PDE4B: variants seen among roughly 807,000 people sequenced by gnomAD.
PDE4B encodes 3',5'-cyclic-AMP phosphodiesterase 4B.
Under a neutral mutation model 82.2 loss-of-function variants are expected in PDE4B, and 20 were observed. The ratio of observed to expected loss-of-function variants is 0.24; its 90% CI spans 0.17 to 0.35. The LOEUF is 0.35. Ranked by LOEUF, PDE4B falls within the 10% of genes least tolerant of loss-of-function variation. The pLI, the probability that PDE4B is intolerant of heterozygous loss-of-function variation, is 1.00. For missense variants in PDE4B, 655 were observed against 907.2 expected (o/e 0.72, Z 3.57); for synonymous variants, 320 against 318.9 (o/e 1.00, Z -0.04).
intron 3 of PDE4B, among the ~76,000 whole-genome samples, chr1:66,180,308 G>A (rs1344341806): frequency 6.6e-6 from 1 of 152,178 alleles, no homozygotes; most frequent in East Asian, 1.9e-4. Context: ...TATGACACAG[G>A]TGGATATTAA....
chr1:66,193,404 A>G (rs1647994581), intron 3 of PDE4B, among the ~76,000 whole-genome samples: 1 of 152,166 alleles, frequency 6.6e-6, no homozygotes, highest in Admixed American at 6.6e-5. Flanking sequence ...ATGATATTGT[A>G]GGTTCACCAT....
At chr1:65,965,945 T>C (rs1188571063) in intron 3 of PDE4B, among the ~76,000 whole-genome samples, 5 of 152,182 alleles carry the variant, frequency 3.3e-5, no homozygotes, top group Admixed American at 2.6e-4. Context: ...AGTATCATAC[T>C]GAATGGGTAA....
intron 1 of PDE4B, among the ~76,000 whole-genome samples, chr1:65,881,056 G>T (rs756834164): frequency 6.6e-6 from 1 of 152,162 alleles, no homozygotes; most frequent in Non-Finnish European, 1.5e-5. Context: ...ACTCCTCATT[G>T]TGACTAGTCC....
At chr1:65,952,005 C>A (rs1011470437) in intron 3 of PDE4B, among the ~76,000 whole-genome samples, 1 of 152,070 alleles carries the variant, frequency 6.6e-6, no homozygotes, top group Non-Finnish European at 1.5e-5. Flanking sequence ...TCCTAAGGGA[C>A]CTTCTTTTCT....
chr1:66,067,458 A>T (rs1655917349), intron 3 of PDE4B, among the ~76,000 whole-genome samples: 1 of 151,888 alleles, frequency 6.6e-6, no homozygotes, highest in African/African-American at 2.4e-5. Context: ...GCATTTTTTC[A>T]TGTGTCTTTT....
At chr1:66,187,513 C>T (rs1413080717) in intron 3 of PDE4B, among the ~76,000 whole-genome samples, 2 of 152,204 alleles carry the variant, frequency 1.3e-5, no homozygotes, top group Non-Finnish European at 2.9e-5. Context: ...ATTTCAGACC[C>T]TGTTATTGGT....
At chr1:66,171,314 A>C (rs1315882796) in intron 3 of PDE4B, among the ~76,000 whole-genome samples, 1 of 152,150 alleles carries the variant, frequency 6.6e-6, no homozygotes, top group African/African-American at 2.4e-5. Flanking sequence ...TTAATAACTT[A>C]AGTTGAAGGC....
At chr1:66,030,840 T>A (rs2100797147) in intron 3 of PDE4B, among the ~76,000 whole-genome samples, 1 of 152,336 alleles carries the variant, frequency 6.6e-6, no homozygotes, top group Non-Finnish European at 1.5e-5. Flanking sequence ...ACCATTATCA[T>A]AAGTGACCTA....
At chr1:65,975,390 C>T (rs1329159107) in intron 3 of PDE4B, among the ~76,000 whole-genome samples, 5 of 152,160 alleles carry the variant, frequency 3.3e-5, no homozygotes, top group Non-Finnish European at 7.4e-5. Flanking sequence ...TTATCTGAAA[C>T]TGGAACTTAT....
intron 3 of PDE4B, among the ~76,000 whole-genome samples, chr1:65,996,761 C>T (rs1250353462): frequency 6.6e-6 from 1 of 152,090 alleles, no homozygotes; most frequent in East Asian, 1.9e-4. Context: ...TTTTGAAACC[C>T]AAAAGTGGAT....
At chr1:66,339,688 A>G (rs1183816763) in intron 8 of PDE4B, among the ~76,000 whole-genome samples, 1 of 152,212 alleles carries the variant, frequency 6.6e-6, no homozygotes, top group East Asian at 1.9e-4. Flanking sequence ...AAAAAATAAT[A>G]GTTATGTTTA....
chr1:65,901,871 T>A (rs1646975357), intron 1 of PDE4B, among the ~76,000 whole-genome samples: 1 of 152,126 alleles, frequency 6.6e-6, no homozygotes, highest in African/African-American at 2.4e-5. Context: ...CTAGTCCCTC[T>A]AGGTGTCATC....
chr1:66,139,331 C>G (rs560152331), intron 3 of PDE4B, among the ~76,000 whole-genome samples: 1 of 152,270 alleles, frequency 6.6e-6, no homozygotes, highest in Admixed American at 6.5e-5. Flanking sequence ...GTTTTCTTGC[C>G]GAAAACCAAC....
intron 3 of PDE4B, chr1:66,152,588 A>T (rs74084641): frequency 4.7e-6 from 1 of 212,060 alleles, no homozygotes; most frequent in African/African-American, 2.9e-5. Flanking sequence ...GTGCATATAT[A>T]TGTGTGTGTG....
Position 66,006,422 on chromosome 1 carries a change from A to T in PDE4B, c.281+87587A>T, listed in dbSNP as rs1474449839. 5.9e-5 allele frequency among the ~76,000 whole-genome samples: 9 copies of T among 152,170 alleles called. No individual in the cohort carries two copies. The East Asian group carries it at 1.5e-3, about 26-fold the overall frequency. On this transcript the variant is annotated intron_variant, in intron 3 of 16. Transcript: ENST00000341517. ...ATATAGTCATTTGGCATGTCAAATG[A>T]TTAATTTTTCACAGATACAAGTGTT...
intron 1 of PDE4B, among the ~76,000 whole-genome samples, chr1:65,821,985 T>C (rs528355218): frequency 6.6e-6 from 1 of 152,310 alleles, no homozygotes; most frequent in Admixed American, 6.5e-5. Context: ...AGCTGATGCA[T>C]CCTATGTATT....
At chr1:66,103,788 CT>C (rs1645276626) in intron 3 of PDE4B, among the ~76,000 whole-genome samples, 1 of 152,080 alleles carries the variant, frequency 6.6e-6, no homozygotes. Context: ...ATGAAATTCA[CT>C]TTTCATTACA....
chr1:65,978,127 A>C (rs980221383), intron 3 of PDE4B, among the ~76,000 whole-genome samples: 3 of 150,218 alleles, frequency 2.0e-5, no homozygotes, highest in African/African-American at 7.4e-5. Flanking sequence ...TCCCAGGTTC[A>C]AGTGATTCTC....
intron 3 of PDE4B, among the ~76,000 whole-genome samples, chr1:65,923,114 G>A (rs1248454379): frequency 6.7e-6 from 1 of 150,276 alleles, no homozygotes; most frequent in African/African-American, 2.5e-5. Flanking sequence ...TTCTCATTTT[G>A]TTAGCAGGAC....
Sources: allele counts gnomAD v4.1 joint callset (sites outside exome capture counted in the v4.1 genomes callset), GRCh38; gene constraint gnomAD v4.1.1; transcripts MANE v1.5; gene names NCBI Gene and HGNC (gene_info 2026-07-23, HGNC 2026-07-21).